The following DSCAM variants were observed in gnomAD, a reference collection of about 807,000 sequenced individuals.
DSCAM encodes the protein DS cell adhesion molecule, also known as cell adhesion molecule DSCAM.
Under a neutral mutation model 217.7 loss-of-function variants are expected in DSCAM, and 47 were observed. The observed-to-expected ratio is 0.22, with a 90% CI of 0.17 to 0.28. DSCAM has a LOEUF of 0.28. Ranked by LOEUF, DSCAM falls within the 10% of genes least tolerant of loss-of-function variation. DSCAM has a pLI of 1.00. For synonymous variants in DSCAM, 1,056 were observed against 1,015.3 expected, an observed-to-expected ratio of 1.04 and a Z score of -0.76; for missense variants, 2,080 against 2,618.3, an observed-to-expected ratio of 0.79 and a Z score of 4.49.
At chr21:40,711,289 A>G (rs2090777204) in intron 1 of DSCAM, among the ~76,000 whole-genome samples, 1 of 152,092 alleles carries the variant, frequency 6.6e-6, no homozygotes. Flanking sequence ...TGGGGTTGCT[A>G]CTAAGTCTAT....
chr21:40,018,200 T>C (rs1367908383), intron 32 of DSCAM, among the ~76,000 whole-genome samples: 1 of 152,252 alleles, frequency 6.6e-6, no homozygotes, highest in African/African-American at 2.4e-5. Flanking sequence ...TCTTTTGTAA[T>C]GTGAACATCC....
intron 1 of DSCAM, among the ~76,000 whole-genome samples, chr21:40,842,094 C>T (rs1047224222): frequency 6.6e-6 from 1 of 152,214 alleles, no homozygotes; most frequent in Non-Finnish European, 1.5e-5. Flanking sequence ...GCTGGCTCTG[C>T]TGAAGGCTGG....
In DSCAM at chr21:40,697,162, G is replaced by A. The variant is rs184894767; in HGVS notation, c.362-4206C>T. 1.7e-4 allele frequency among the ~76,000 whole-genome samples: 26 copies of A among 152,228 alleles called. 1 individual carries two copies. The East Asian group carries it at 2.1e-3, about 12-fold the overall frequency. On this transcript the variant is annotated intron_variant, in intron 2 of 32. Transcript: ENST00000400454. ...CCATATGTGAGTGAAAACATGTAAT[G>A]TGTGTCTGTCTGAGCCTGGCTTAAT...
intron 11 of DSCAM, among the ~76,000 whole-genome samples, chr21:40,221,742 C>A (rs1422129814): frequency 6.6e-6 from 1 of 152,166 alleles, no homozygotes; most frequent in Non-Finnish European, 1.5e-5. Context: ...CCGTTGTGGT[C>A]TTCACAATTG....
At chr21:40,313,036 G>A (rs886950879) in intron 8 of DSCAM, among the ~76,000 whole-genome samples, 1 of 151,552 alleles carries the variant, frequency 6.6e-6, no homozygotes, top group Non-Finnish European at 1.5e-5. Context: ...AGGATCCCTT[G>A]AGCCCAGGAG....
At chr21:40,046,390 T>C (rs2088840916) in intron 30 of DSCAM, among the ~76,000 whole-genome samples, 1 of 151,794 alleles carries the variant, frequency 6.6e-6, no homozygotes. Context: ...TTTCATCCCT[T>C]ACTTGCACAA....
At chr21:40,036,598 C>G (rs1437067481) in intron 32 of DSCAM, among the ~76,000 whole-genome samples, 2 of 148,432 alleles carry the variant, frequency 1.3e-5, no homozygotes, top group African/African-American at 5.2e-5. Context: ...CAAGAAGGAA[C>G]TGGTACCATT....
At chr21:40,839,678 C>A (rs2092084754) in intron 1 of DSCAM, among the ~76,000 whole-genome samples, 1 of 151,974 alleles carries the variant, frequency 6.6e-6, no homozygotes. Flanking sequence ...CTGTACAGAG[C>A]TGGGACGTTA....
intron 3 of DSCAM, among the ~76,000 whole-genome samples, chr21:40,534,098 A>G (rs944705608): frequency 6.6e-5 from 10 of 152,192 alleles, no homozygotes; most frequent in South Asian, 4.1e-4. Context: ...TTCTGCATTA[A>G]AAGTCAAAAT....
At chr21:40,660,780 C>T (rs1371443024) in intron 3 of DSCAM, among the ~76,000 whole-genome samples, 1 of 152,166 alleles carries the variant, frequency 6.6e-6, no homozygotes, top group East Asian at 1.9e-4. Flanking sequence ...CATTATATGT[C>T]CTTGACAGTC....
At chr21:40,547,824 T>C (rs779065904) in intron 3 of DSCAM, among the ~76,000 whole-genome samples, 10 of 152,158 alleles carry the variant, frequency 6.6e-5, no homozygotes, top group Non-Finnish European at 1.3e-4. Context: ...CTCTGCCACG[T>C]TCCCTGGAAC....
intron 6 of DSCAM, among the ~76,000 whole-genome samples, chr21:40,345,831 A>G (rs60412473): frequency 2.1e-3 from 314 of 152,338 alleles, no homozygotes; most frequent in African/African-American, 7.1e-3. Context: ...GAGAGAAAAA[A>G]AAAAGTGAAG....
intron 1 of DSCAM, among the ~76,000 whole-genome samples, chr21:40,765,289 T>A (rs548732366): frequency 6.6e-6 from 1 of 152,256 alleles, no homozygotes; most frequent in South Asian, 2.1e-4. Context: ...GCAGAGCAAC[T>A]TGGAGGCAAA....
intron 3 of DSCAM, among the ~76,000 whole-genome samples, chr21:40,629,335 G>T (rs1414756646): frequency 6.6e-6 from 1 of 152,106 alleles, no homozygotes; most frequent in Non-Finnish European, 1.5e-5. Flanking sequence ...AATTTACTTT[G>T]GAAGGGTTTT....
At chr21:40,843,648 C>G (rs750817588) in intron 1 of DSCAM, among the ~76,000 whole-genome samples, 38 of 152,094 alleles carry the variant, frequency 2.5e-4, no homozygotes, top group Non-Finnish European at 4.9e-4. Context: ...ACCTTGGCTC[C>G]TTGCACTGTA....
In DSCAM at chr21:40,119,945, G is replaced by A. The variant is rs545584574; in HGVS notation, c.3696+4250C>T. Among the ~76,000 whole-genome samples, 45 of 152,064 alleles carry A rather than the reference G, an allele frequency of 3.0e-4. 1 individual carries two copies. Among genetic ancestry groups the A allele is most frequent in the African/African-American group, 9.9e-4 (41 of 41,492 alleles). On this transcript the variant is annotated intron_variant, in intron 20 of 32. Coordinates refer to ENST00000400454, the MANE Select transcript of DSCAM (RefSeq NM_001389.5). Reference sequence around the variant, plus strand: ...AGATTCCTGCACATTTCTGGTTCTCGGAAGTCCCCTTTCGCTCTCAGCCTG... The same window carrying A: ...AGATTCCTGCACATTTCTGGTTCTCAGAAGTCCCCTTTCGCTCTCAGCCTG...
chr21:40,824,357 A>G (rs1329504047), intron 1 of DSCAM, among the ~76,000 whole-genome samples: 4 of 151,514 alleles, frequency 2.6e-5, no homozygotes, highest in Non-Finnish European at 5.9e-5. Flanking sequence ...CTAAATTTGA[A>G]TTCAAATCTT....
At chr21:40,823,172 A>G (rs1376525566) in intron 1 of DSCAM, among the ~76,000 whole-genome samples, 1 of 135,918 alleles carries the variant, frequency 7.4e-6, no homozygotes, top group African/African-American at 2.7e-5. Context: ...CCCCCAAAAA[A>G]GAAAGAATGC....
chr21:40,189,116 T>C lies in DSCAM; in HGVS notation c.2479A>G (p.Ile827Val), dbSNP rs1240177724. 6.2e-7 allele frequency: 1 copy of C among 1,614,142 alleles called. No individual in the cohort carries two copies. Among genetic ancestry groups the C allele is most frequent in the Non-Finnish European group, 8.5e-7 (1 of 1,180,024 alleles). ...TAACGGGCCATCTCAGGGTTAATGA[T>C]TCGGTCCTCCTTCTCCCAGCGGACT... ...IIVRWEKEDR[I>V]INPEMARYLV... The change falls in exon 12 of 33, where the codon ATC (isoleucine) becomes GTC (valine). Residue 827 changes from isoleucine (I) to valine (V), a missense_variant. Around this residue, in one of 5 missense-constraint regions of DSCAM, gnomAD observed 1,144 missense variants for 1,421.1 expected, o/e 0.81. Transcript: ENST00000400454.
Sources: allele counts gnomAD v4.1 joint callset (sites outside exome capture counted in the v4.1 genomes callset), GRCh38; gene constraint gnomAD v4.1.1; regional missense constraint gnomAD v4.1.1; transcripts MANE v1.5; gene names NCBI Gene and HGNC (gene_info 2026-07-23, HGNC 2026-07-21).